The following TNRC6B variants were observed in gnomAD, a reference collection of about 807,000 sequenced individuals.
The protein encoded by TNRC6B is trinucleotide repeat containing adaptor 6B.
Under a neutral mutation model 203.6 loss-of-function variants are expected in TNRC6B, and 52 were observed. The ratio of observed to expected loss-of-function variants is 0.26; its 90% CI spans 0.20 to 0.32. TNRC6B has a LOEUF of 0.32. Among genes scored for constraint, TNRC6B ranks in the 10% least tolerant of loss-of-function variants. The probability of loss-of-function intolerance (pLI) is 1.00; values close to 1 mark genes in which losing one functional copy is unlikely to be tolerated. For synonymous variants in TNRC6B, 838 were observed against 845.7 expected (o/e 0.99, Z 0.16); for missense variants, 1,923 against 2,286.2 (o/e 0.84, Z 3.24).
chr22:40,301,215 G>C lies in TNRC6B; in HGVS notation c.4002G>C (p.Lys1334Asn). 5 of 1,555,802 alleles carry C rather than the reference G, an allele frequency of 3.2e-6. No homozygotes were observed. The highest frequency in any genetic ancestry group is 4.4e-6 in the Non-Finnish European group (5 of 1,149,220). ...AGCAGCAGAGGCAGCCAGGCATGAA[G>C]CACTCGCCCTCTCATCCTGTTGGGC... Reference protein sequence around the residue: ...QQQQQRQPGMKHSPSHPVGPK... With the variant: ...QQQQQRQPGMNHSPSHPVGPK... The change falls in exon 15 of 23, where the codon AAG becomes AAC. Residue 1334 changes from lysine (K) to asparagine (N), a missense_variant. Coordinates refer to ENST00000454349, the MANE Select transcript of TNRC6B (RefSeq NM_001162501.2).
chr22:40,148,184 A>C (rs1193437964), intron 3 of TNRC6B, among the ~76,000 whole-genome samples: 6 of 152,172 alleles, frequency 3.9e-5, no homozygotes, highest in Non-Finnish European at 8.8e-5. Flanking sequence ...TAAAAAGTCC[A>C]CACAAAGTAC....
intron 12 of TNRC6B, among the ~76,000 whole-genome samples, chr22:40,296,184 G>A (rs149021709): frequency 1.4e-4 from 22 of 152,172 alleles, no homozygotes; most frequent in African/African-American, 5.1e-4. Context: ...CTCTCTCCAG[G>A]TTTGCTTCCA....
chr22:40,104,265 A>G (rs1269998818), intron 1 of TNRC6B, among the ~76,000 whole-genome samples: 1 of 151,930 alleles, frequency 6.6e-6, no homozygotes, highest in Non-Finnish European at 1.5e-5. Context: ...AAGAAAAAAA[A>G]TGGTTTTCAT....
intron 19 of TNRC6B, among the ~76,000 whole-genome samples, chr22:40,313,418 G>A (rs1012560197): frequency 6.6e-6 from 1 of 151,748 alleles, no homozygotes; most frequent in African/African-American, 2.4e-5. Context: ...AAGGCTAAGG[G>A]CAGATGGCCA....
At chr22:40,216,337 T>C (rs1019534027) in intron 1 of TNRC6B, among the ~76,000 whole-genome samples, 1 of 152,168 alleles carries the variant, frequency 6.6e-6, no homozygotes, top group African/African-American at 2.4e-5. Flanking sequence ...TTGTATGTGC[T>C]ACTCTCTACA....
intron 1 of TNRC6B, among the ~76,000 whole-genome samples, chr22:40,184,311 AG>A (rs1351767101): frequency 6.6e-6 from 1 of 152,172 alleles, no homozygotes; most frequent in Non-Finnish European, 1.5e-5. Context: ...GGGGTTAAAA[AG>A]GGTGGACACC....
At chr22:40,212,213 A>G (rs1202969621) in intron 1 of TNRC6B, among the ~76,000 whole-genome samples, 1 of 152,160 alleles carries the variant, frequency 6.6e-6, no homozygotes, top group Non-Finnish European at 1.5e-5. Context: ...TTTCCTCAAC[A>G]TTGGGGAGTG....
intron 1 of TNRC6B, among the ~76,000 whole-genome samples, chr22:40,079,571 G>GTGTA (rs1555976560): frequency 3.4e-5 from 5 of 147,694 alleles, no homozygotes; most frequent in African/African-American, 1.3e-4. Flanking sequence ...CCAAATCTAA[G>GTGTA]TATATATATA....
At chr22:40,279,053 T>C (rs2070690653) in intron 9 of TNRC6B, among the ~76,000 whole-genome samples, 1 of 152,224 alleles carries the variant, frequency 6.6e-6, no homozygotes, top group Non-Finnish European at 1.5e-5. Flanking sequence ...GATTTTTATA[T>C]GTCAGAACTA....
At chr22:40,134,248 C>G (rs1165780409) in intron 3 of TNRC6B, among the ~76,000 whole-genome samples, 2 of 152,192 alleles carry the variant, frequency 1.3e-5, no homozygotes, top group East Asian at 3.8e-4. Context: ...AGTGATAAGT[C>G]ATTTTTATAC....
intron 1 of TNRC6B, among the ~76,000 whole-genome samples, chr22:40,090,935 G>A (rs2068145233): frequency 6.6e-6 from 1 of 152,158 alleles, no homozygotes; most frequent in South Asian, 2.1e-4. Flanking sequence ...GAACATACAA[G>A]AGAAGACTCT....
At chr22:40,287,207 C>T (rs143556756) in intron 12 of TNRC6B, among the ~76,000 whole-genome samples, 2 of 152,076 alleles carry the variant, frequency 1.3e-5, no homozygotes, top group Non-Finnish European at 2.9e-5. Flanking sequence ...TGGAGTCATG[C>T]TATGTTGCCC....
Position 40,151,552 on chromosome 22 carries a change from A to G in TNRC6B, c.46-4563A>G, listed in dbSNP as rs7289921. 7.6e-4 allele frequency among the ~76,000 whole-genome samples: 106 copies of G among 138,802 alleles called. 10 individuals carry two copies. Among genetic ancestry groups the G allele is most frequent in the Admixed American group, 1.3e-3 (18 of 13,658 alleles). 91.1% of individuals were successfully genotyped at this position (138,802 alleles called of 152,430 possible). On this transcript the variant is annotated intron_variant, in intron 3 of 23. Coordinates refer to the TNRC6B transcript ENST00000301923. ...GACTGCATCTCAAAAAAAAAAAAAA[A>G]GAAAAAAGAAAAAAACTAAAACAAA...
intron 3 of TNRC6B, chr22:40,126,006 TTTC>T: frequency 1.2e-6 from 1 of 868,416 alleles, no homozygotes; most frequent in Non-Finnish European, 1.7e-6. Context: ...AGAAATATTT[TTTC>T]TTTTCAGTAT....
intron 1 of TNRC6B, among the ~76,000 whole-genome samples, chr22:40,112,195 GA>G (rs1386627318): frequency 6.6e-6 from 1 of 151,908 alleles, no homozygotes; most frequent in African/African-American, 2.4e-5. Context: ...AGGACAGGGA[GA>G]AAAAAAACTG....
intron 1 of TNRC6B, among the ~76,000 whole-genome samples, chr22:40,229,962 A>G (rs1417887980): frequency 6.6e-6 from 1 of 152,164 alleles, no homozygotes; most frequent in Non-Finnish European, 1.5e-5. Flanking sequence ...TCTTTTCTCT[A>G]GAGTCAATAA....
chr22:40,156,005 G>A, intron 3 of TNRC6B: 2 of 902,282 alleles, frequency 2.2e-6, no homozygotes, highest in Non-Finnish European at 1.7e-6. Context: ...TCTGTTCTGT[G>A]CACCACAGTG....
At chr22:40,163,733 C>T (rs1238331170) in intron 4 of TNRC6B, among the ~76,000 whole-genome samples, 3 of 151,772 alleles carry the variant, frequency 2.0e-5, no homozygotes, top group Non-Finnish European at 2.9e-5. Flanking sequence ...TGCAATCCAG[C>T]CTGGGCAACA....
chr22:40,202,264 T>G (rs1448664975), intron 1 of TNRC6B, among the ~76,000 whole-genome samples: 2 of 151,554 alleles, frequency 1.3e-5, no homozygotes, highest in Non-Finnish European at 2.9e-5. Context: ...TTTTTTGTTT[T>G]TTTTTTTTTT....
Sources: allele counts gnomAD v4.1 joint callset (sites outside exome capture counted in the v4.1 genomes callset), GRCh38; gene constraint gnomAD v4.1.1; transcripts MANE v1.5; gene names NCBI Gene and HGNC (gene_info 2026-07-23, HGNC 2026-07-21).